The following SLC26A7 variants were observed in gnomAD, a reference collection of about 807,000 sequenced individuals.
The protein encoded by SLC26A7 is anion exchange transporter.
SLC26A7 carries 59 observed loss-of-function variants against 82.5 expected under a neutral mutation model. That is an observed-to-expected ratio of 0.72 (90% CI 0.58 to 0.89). The LOEUF (loss-of-function observed/expected upper bound fraction) is 0.89, where lower values mean the gene tolerates loss of function less well. Ranked by LOEUF, SLC26A7 falls within the 40% of genes least tolerant of loss-of-function variation. The pLI is 0.00. For synonymous variants in SLC26A7, 271 were observed against 274.3 expected, an observed-to-expected ratio of 0.99 and a Z score of 0.12; for missense variants, 820 against 793.0, an observed-to-expected ratio of 1.03 and a Z score of -0.41.
chr8:91,389,544 A>G (rs1814897054), intron 16 of SLC26A7, 106 bp downstream of exon 16: 7 of 779,882 alleles, frequency 9.0e-6, no homozygotes, highest in Non-Finnish European at 1.5e-5. Context: ...TGCAATACTC[A>G]TCTCACCCCA....
chr8:91,242,613 C>T (rs1239388031), intron 2 of SLC26A7, among the ~76,000 whole-genome samples: 1 of 152,072 alleles, frequency 6.6e-6, no homozygotes, highest in African/African-American at 2.4e-5. Flanking sequence ...AAAGGAAGCA[C>T]CAGAGAGCTT....
intron 2 of SLC26A7, among the ~76,000 whole-genome samples, chr8:91,282,891 C>T (rs1811612205): frequency 6.6e-6 from 1 of 152,150 alleles, no homozygotes; most frequent in Non-Finnish European, 1.5e-5. Flanking sequence ...TTGTCCCCTC[C>T]TCAGGCATCT....
At chr8:91,218,189 T>C (rs879772005) in intron 1 of SLC26A7, among the ~76,000 whole-genome samples, 2 of 152,180 alleles carry the variant, frequency 1.3e-5, no homozygotes, top group Non-Finnish European at 2.9e-5. Context: ...CAGTTACCAG[T>C]TGTGGAAATC....
chr8:91,325,545 C>T (rs1479346115), intron 5 of SLC26A7, among the ~76,000 whole-genome samples: 1 of 152,088 alleles, frequency 6.6e-6, no homozygotes, highest in Non-Finnish European at 1.5e-5. Context: ...AGGCGTATTG[C>T]TTCCCTTGTA....
intron 15 of SLC26A7, among the ~76,000 whole-genome samples, chr8:91,377,000 T>C (rs1382877746): frequency 6.6e-6 from 1 of 152,050 alleles, no homozygotes; most frequent in Non-Finnish European, 1.5e-5. Context: ...TAAAACCAAC[T>C]CAGGGCAGAG....
At chr8:91,225,661 T>G (rs1397156111) in intron 2 of SLC26A7, among the ~76,000 whole-genome samples, 3 of 135,144 alleles carry the variant, frequency 2.2e-5, no homozygotes, top group Non-Finnish European at 4.9e-5. Flanking sequence ...TTTTTTTTTT[T>G]TTTTTTTTTT....
intron 3 of SLC26A7, among the ~76,000 whole-genome samples, chr8:91,293,536 T>C (rs1811932850): frequency 1.3e-5 from 2 of 152,214 alleles, no homozygotes. Flanking sequence ...GCGTGGTGGA[T>C]ATGCCTGTAC....
chr8:91,373,297 G>A (rs973254537), intron 15 of SLC26A7, among the ~76,000 whole-genome samples: 4 of 151,998 alleles, frequency 2.6e-5, no homozygotes, highest in Non-Finnish European at 4.4e-5. Flanking sequence ...TCCTTGTGTT[G>A]TTCCAGTTCT....
Position 91,325,463 on chromosome 8 carries a change from C to G in SLC26A7, c.642+7083C>G, listed in dbSNP as rs556632656. Among the ~76,000 whole-genome samples, 63 of 152,284 alleles carry G rather than the reference C, an allele frequency of 4.1e-4. No homozygotes were observed. In the South Asian group the frequency reaches 6.4e-3, roughly 16 times the overall value. On this transcript the variant is annotated intron_variant, in intron 5 of 18. Transcript: ENST00000276609. ...AAGGCACTGTATAGATACAGGTAGG[C>G]TTTCACCAAATATGCTTATGTTAAG...
chr8:91,366,812 A>G (rs924304128), intron 14 of SLC26A7, 95 bp downstream of exon 14: 1 of 1,369,450 alleles, frequency 7.3e-7, no homozygotes, highest in African/African-American at 1.5e-5. Flanking sequence ...ACATCACACG[A>G]GTATTTCGAG....
chr8:91,302,440 C>A (rs1218974919), intron 4 of SLC26A7, among the ~76,000 whole-genome samples: 1 of 152,038 alleles, frequency 6.6e-6, no homozygotes, highest in Non-Finnish European at 1.5e-5. Context: ...TTCTGTTTCT[C>A]TTCTCTGTTA....
intron 4 of SLC26A7, among the ~76,000 whole-genome samples, chr8:91,302,818 CTTTTTT>C (rs11333572): frequency 2.3e-5 from 3 of 129,620 alleles, no homozygotes; most frequent in Admixed American, 1.5e-4. Context: ...TTCCCCTTCT[CTTTTTT>C]TTTTTTTTTT....
intron 2 of SLC26A7, among the ~76,000 whole-genome samples, chr8:91,240,220 T>G (rs181247600): frequency 4.6e-5 from 7 of 152,284 alleles, no homozygotes; most frequent in African/African-American, 1.2e-4. Context: ...CCTTTTGACA[T>G]GAATAAAAAG....
In SLC26A7 at chr8:91,366,507, A is replaced by C. The variant is rs995362708; in HGVS notation, c.1489-73A>C. On this transcript the variant is annotated intron_variant, in intron 13 of 18. Transcript: ENST00000276609. The stretch of plus-strand genomic sequence containing the variant: ...GAGAGATTGCTTATAAAATTGAGTG[A>C]CATTTAGATCTGATTGTTTATTGGC... The C allele has an allele frequency of 3.4e-6, 5 of 1,492,260 alleles. No homozygotes were observed. In the African/African-American group the frequency reaches 7.1e-5, roughly 21 times the overall value. The allele number at this position is 1,492,260 out of a possible 1,614,324, so 92.4% of individuals were successfully genotyped here. A position where few individuals can be genotyped will look rare whatever the true frequency, so the allele number is the denominator to read the frequency against.
intron 2 of SLC26A7, among the ~76,000 whole-genome samples, chr8:91,254,261 C>T (rs543693166): frequency 3.3e-5 from 5 of 152,222 alleles, no homozygotes; most frequent in African/African-American, 1.2e-4. Context: ...GCAAAATCTG[C>T]AGGCCCTTAA....
intron 4 of SLC26A7, among the ~76,000 whole-genome samples, chr8:91,299,930 A>T (rs1321682983): frequency 1.3e-5 from 2 of 152,246 alleles, no homozygotes; most frequent in Non-Finnish European, 2.9e-5. Flanking sequence ...AGAATCATTA[A>T]AATAATGTTA....
rs1361825481 is a variant in SLC26A7 at position 91,343,478 on chromosome 8, G to T, written c.1140+12G>T. The T allele has an allele frequency of 8.2e-6, 13 of 1,593,996 alleles. No individual in the cohort carries two copies. The highest frequency in any genetic ancestry group is 1.3e-5 in the African/African-American group (1 of 74,582). ...GAGCGAAGACACAGGTAACTGAATT[G>T]TTCCACAGGGACAAAGCACTGCTGG... On this transcript the variant is annotated intron_variant, in intron 9 of 18. Coordinates refer to ENST00000276609, the MANE Select transcript of SLC26A7 (RefSeq NM_052832.4).
At chr8:91,341,404 T>C (rs1813410264) in intron 8 of SLC26A7, among the ~76,000 whole-genome samples, 1 of 152,194 alleles carries the variant, frequency 6.6e-6, no homozygotes, top group Non-Finnish European at 1.5e-5. Flanking sequence ...ATATGTCCTG[T>C]TTCAAGTCCT....
At chr8:91,391,138 C>G (rs1391766212) in intron 16 of SLC26A7, among the ~76,000 whole-genome samples, 1 of 152,106 alleles carries the variant, frequency 6.6e-6, no homozygotes, top group Non-Finnish European at 1.5e-5. Context: ...TTTGAAATGT[C>G]CAGCCTTTCA....
Sources: gnomAD v4.1 joint callset for allele counts (sites outside exome capture counted in the v4.1 genomes callset) on GRCh38, gnomAD v4.1.1 for gene constraint, MANE v1.5 for transcripts, NCBI Gene and HGNC (gene_info 2026-07-23, HGNC 2026-07-21) for gene names.